Variants in GTF2E1 observed in about 807,000 individuals in gnomAD.
GTF2E1 encodes general transcription factor IIE subunit 1, also known as TFIIE alpha subunit.
GTF2E1 carries 14 observed loss-of-function variants against 34.9 expected under a neutral mutation model. That is an observed-to-expected ratio of 0.40 (90% CI 0.27 to 0.63). The LOEUF (loss-of-function observed/expected upper bound fraction) is 0.63. GTF2E1 is among the 20% of genes least tolerant of loss of function. The probability of loss-of-function intolerance (pLI) is 0.39; values close to 1 mark genes in which losing one functional copy is unlikely to be tolerated. For missense variants in GTF2E1, 469 were observed against 557.7 expected (o/e 0.84, Z 1.60); for synonymous variants, 188 against 192.9 (o/e 0.97, Z 0.21).
chr3:120,777,035 A>G (rs935434657), intron 4 of GTF2E1, among the ~76,000 whole-genome samples: 4 of 152,158 alleles, frequency 2.6e-5, no homozygotes, highest in African/African-American at 7.2e-5. Context: ...AGCCAAAACT[A>G]TACGCTACCC....
Position 120,781,258 on chromosome 3 carries a change from G to A in GTF2E1, c.1108G>A (p.Ala370Thr). ...AGATGATGATTCTCCACCCCGTCCGGCAGCTGTGGCTGTGCATAAACGAGA... is the reference window on the plus strand; with the variant it reads ...AGATGATGATTCTCCACCCCGTCCGACAGCTGTGGCTGTGCATAAACGAGA... ...ESDDDSPPRPAAVAVHKREED... is the reference protein window; with the variant it reads ...ESDDDSPPRPTAVAVHKREED... The change falls in exon 5 of 5, where the codon GCA (alanine) becomes ACA (threonine). Residue 370 changes from alanine (A) to threonine (T), a missense_variant. Ala to Thr is a moderately conservative substitution (Grantham distance 58). Coordinates refer to ENST00000283875, the MANE Select transcript of GTF2E1 (RefSeq NM_005513.3). 6.2e-7 allele frequency: 1 copy of A among 1,614,140 alleles called. No individual in the cohort carries two copies. Among genetic ancestry groups the A allele is most frequent in the Non-Finnish European group, 8.5e-7 (1 of 1,179,978 alleles).
At chr3:120,746,679 G>A (rs1380592618) in intron 1 of GTF2E1, among the ~76,000 whole-genome samples, 2 of 152,098 alleles carry the variant, frequency 1.3e-5, no homozygotes, top group Admixed American at 6.6e-5. Context: ...TCCACCCGTA[G>A]TCTCAGCTAC....
intron 1 of GTF2E1, among the ~76,000 whole-genome samples, chr3:120,744,487 T>C (rs1444867539): frequency 6.6e-6 from 1 of 152,242 alleles, no homozygotes; most frequent in African/African-American, 2.4e-5. Context: ...AAGACACTTC[T>C]AAAAGTGATT....
At chr3:120,777,456 A>G (rs1709411172) in intron 4 of GTF2E1, among the ~76,000 whole-genome samples, 1 of 152,188 alleles carries the variant, frequency 6.6e-6, no homozygotes, top group South Asian at 2.1e-4. Context: ...CATTACTAAC[A>G]TATCACGTGA....
At chr3:120,760,319 A>G (rs1271704355) in intron 2 of GTF2E1, among the ~76,000 whole-genome samples, 4 of 152,178 alleles carry the variant, frequency 2.6e-5, no homozygotes, top group African/African-American at 7.2e-5. Context: ...CAGGTGAAGG[A>G]GATTTTGGGC....
intron 2 of GTF2E1, among the ~76,000 whole-genome samples, chr3:120,759,861 G>T (rs1265081847): frequency 6.6e-6 from 1 of 152,212 alleles, no homozygotes; most frequent in Non-Finnish European, 1.5e-5. Context: ...ATAGTTTGAA[G>T]TCAGGTAGTG....
In GTF2E1 at chr3:120,751,014, A is replaced by G. The variant is rs757179113; in HGVS notation, c.448+14A>G. 1.5e-5 allele frequency: 23 copies of G among 1,538,720 alleles called. No individual in the cohort carries two copies. The highest frequency in any genetic ancestry group is 1.9e-5 in the Non-Finnish European group (21 of 1,125,732). On this transcript the variant is annotated intron_variant, in intron 2 of 4. Coordinates refer to ENST00000283875, the MANE Select transcript of GTF2E1 (RefSeq NM_005513.3). ...ATCCTATGACAGGTGAGGTTTATCC[A>G]GTTTGTGAATCTTTAAAATAAAGTG... is the stretch of plus-strand genomic sequence containing the variant.
chr3:120,758,579 C>G (rs965481068), intron 2 of GTF2E1, among the ~76,000 whole-genome samples: 1 of 110,988 alleles, frequency 9.0e-6, no homozygotes, highest in African/African-American at 2.7e-5. Context: ...CCCAGCCTCC[C>G]ACCCCCGACA....
intron 2 of GTF2E1, among the ~76,000 whole-genome samples, chr3:120,761,328 G>T (rs1272457763): frequency 2.0e-5 from 3 of 151,572 alleles, no homozygotes; most frequent in Non-Finnish European, 4.4e-5. Flanking sequence ...TTATTAGTCT[G>T]GCTAGCAGTC....
chr3:120,769,572 C>G (rs371554603), intron 2 of GTF2E1, among the ~76,000 whole-genome samples: 1 of 152,188 alleles, frequency 6.6e-6, no homozygotes, highest in Non-Finnish European at 1.5e-5. Context: ...AACAGAGTGA[C>G]GCTAAAACTA....
intron 2 of GTF2E1, among the ~76,000 whole-genome samples, chr3:120,762,161 G>T (rs1053950167): frequency 6.6e-6 from 1 of 152,144 alleles, no homozygotes; most frequent in Admixed American, 6.5e-5. Flanking sequence ...GAATAATTGT[G>T]ATGTGGTTCT....
chr3:120,770,974 G>A (rs1340538096), intron 3 of GTF2E1, 45 bp downstream of exon 3: 2 of 1,515,272 alleles, frequency 1.3e-6, no homozygotes, highest in Admixed American at 1.7e-5. Flanking sequence ...ATTTCAACCT[G>A]TTCTTGTTTT....
intron 2 of GTF2E1, among the ~76,000 whole-genome samples, chr3:120,766,499 C>A (rs1341249087): frequency 6.6e-6 from 1 of 151,936 alleles, no homozygotes; most frequent in African/African-American, 2.4e-5. Flanking sequence ...GTTTTCCTAT[C>A]AGACTGAAAT....
chr3:120,742,773 G>C lies in GTF2E1; in HGVS notation c.-52G>C, dbSNP rs1281641599. On this transcript the variant is annotated 5_prime_UTR_variant, in exon 1 of 5. Transcript: ENST00000283875. ...GAAGCGCTGGGGGCAGCTGTAGTGG[G>C]AGTGTTCCAGGATTCGCCTTGGTAA... The C allele has an allele frequency of 2.1e-5, 11 of 525,316 alleles. No individual in the cohort carries two copies. Among genetic ancestry groups the C allele is most frequent in the Non-Finnish European group, 3.8e-5 (11 of 290,392 alleles). 32.5% of individuals were successfully genotyped at this position (525,316 alleles called of 1,614,324 possible). A position where few individuals can be genotyped will look rare whatever the true frequency, so the allele number is the denominator to read the frequency against.
chr3:120,766,244 A>T (rs1315118496), intron 2 of GTF2E1, among the ~76,000 whole-genome samples: 1 of 152,142 alleles, frequency 6.6e-6, no homozygotes, highest in Non-Finnish European at 1.5e-5. Flanking sequence ...TATAAATTCC[A>T]CTGGGGATTT....
chr3:120,756,953 A>G (rs988341321), intron 2 of GTF2E1, among the ~76,000 whole-genome samples: 2 of 152,140 alleles, frequency 1.3e-5, no homozygotes, highest in Admixed American at 1.3e-4. Flanking sequence ...ACAAAAAAAA[A>G]CAATCTTTTA....
chr3:120,751,694 A>G (rs1709165908), intron 2 of GTF2E1, among the ~76,000 whole-genome samples: 2 of 152,218 alleles, frequency 1.3e-5, no homozygotes, highest in South Asian at 2.1e-4. Flanking sequence ...GTTCTGAGTT[A>G]TATAGTTATT....
rs1709158325 is a variant in GTF2E1, at chr3:120,750,762, G to A, written c.210G>A (p.Lys70=). The change falls in exon 2 of 5, where the codon AAG becomes AAA. Residue 70 remains lysine, a synonymous_variant. Coordinates refer to ENST00000283875, the MANE Select transcript of GTF2E1 (RefSeq NM_005513.3). ...RSVLNNLKGD[K]FIKCRMRVET... is the part of the protein sequence containing the mutation. ...TTTTGAATAATTTAAAGGGAGACAA[G>A]TTTATCAAATGCAGAATGAGGGTAG... The A allele has an allele frequency of 1.9e-6, 3 of 1,614,004 alleles. No homozygotes were observed. The highest frequency in any genetic ancestry group is 2.5e-6 in the Non-Finnish European group (3 of 1,179,920).
intron 1 of GTF2E1, among the ~76,000 whole-genome samples, chr3:120,746,567 G>A (rs112293176): frequency 6.6e-6 from 1 of 152,044 alleles, no homozygotes; most frequent in African/African-American, 2.4e-5. Flanking sequence ...AAGCCCCCAA[G>A]GTAGGTGGAT....
Sources: gnomAD v4.1 joint callset for allele counts (sites outside exome capture counted in the v4.1 genomes callset) on GRCh38, gnomAD v4.1.1 for gene constraint, MANE v1.5 for transcripts, NCBI Gene and HGNC (gene_info 2026-07-23, HGNC 2026-07-21) for gene names.